MACROD2: variants seen among roughly 807,000 people sequenced by gnomAD.
MACROD2 encodes ADP-ribose glycohydrolase MACROD2.
MACROD2 carries 36 observed loss-of-function variants against 70.4 expected under a neutral mutation model. That is an observed-to-expected ratio of 0.51 (90% CI 0.39 to 0.68). MACROD2 has a LOEUF of 0.68. Among genes scored for constraint, MACROD2 ranks in the 30% least tolerant of loss-of-function variants. The pLI is 0.00. For missense variants in MACROD2, 496 were observed against 538.4 expected, an observed-to-expected ratio of 0.92 and a Z score of 0.78; for synonymous variants, 172 against 178.8, an observed-to-expected ratio of 0.96 and a Z score of 0.30.
At chr20:15,575,729 A>G (rs1600615875) in intron 8 of MACROD2, among the ~76,000 whole-genome samples, 1 of 152,322 alleles carries the variant, frequency 6.6e-6, no homozygotes, top group East Asian at 1.9e-4. Flanking sequence ...AAAAGAGCAC[A>G]TAAGAATAGG....
In MACROD2 at chr20:14,823,116, C is replaced by T. The variant is rs145734972; in HGVS notation, c.418+138157C>T. On this transcript the variant is annotated intron_variant, in intron 5 of 17. Coordinates refer to ENST00000684519, the MANE Select transcript of MACROD2 (RefSeq NM_001351661.2). ...GATTCTATGATTATTTTTGTGTAAT[C>T]TTTGAATATGCAAAACAAATTATAA... Among the ~76,000 whole-genome samples, 380 of 152,124 alleles carry T rather than the reference C, an allele frequency of 2.5e-3. 2 individuals are homozygous for T. Among genetic ancestry groups the T allele is most frequent in the African/African-American group, 8.9e-3 (369 of 41,522 alleles).
intron 5 of MACROD2, among the ~76,000 whole-genome samples, chr20:14,862,592 TATATATAAATATAA>T (rs2073372117): frequency 6.5e-5 from 3 of 45,844 alleles, no homozygotes; most frequent in South Asian, 6.1e-4. Context: ...TGTATAAATA[TATATATAAATATAA>T]ATATATATAA....
intron 2 of MACROD2, among the ~76,000 whole-genome samples, chr20:14,082,361 T>TTC (rs1226313205): frequency 6.8e-6 from 1 of 148,112 alleles, no homozygotes; most frequent in Non-Finnish European, 1.5e-5. Context: ...TGTATTTTTT[T>TTC]TTTTTTTTTT....
intron 7 of MACROD2, among the ~76,000 whole-genome samples, chr20:15,441,243 C>T (rs77513538): frequency 3.3e-5 from 5 of 152,252 alleles, no homozygotes; most frequent in South Asian, 2.1e-4. Context: ...AGACTCCTCT[C>T]GTGCTCTCCA....
intron 3 of MACROD2, among the ~76,000 whole-genome samples, chr20:14,333,247 A>G (rs1303679899): frequency 3.9e-5 from 6 of 152,162 alleles, no homozygotes; most frequent in Non-Finnish European, 5.9e-5. Context: ...AAAATTTCCA[A>G]TGCTAAGTAT....
At chr20:14,602,976 C>A (rs1274288052) in intron 4 of MACROD2, among the ~76,000 whole-genome samples, 1 of 152,098 alleles carries the variant, frequency 6.6e-6, no homozygotes, top group East Asian at 1.9e-4. Flanking sequence ...CAAAGAGAGA[C>A]CAGCATTACC....
At chr20:15,489,266 G>T (rs1047279194) in intron 7 of MACROD2, among the ~76,000 whole-genome samples, 4 of 152,282 alleles carry the variant, frequency 2.6e-5, no homozygotes, top group Middle Eastern at 3.4e-3. Flanking sequence ...AAGAAGTACA[G>T]AATTTCCCTT....
chr20:15,488,425 CAG>C (rs991059771), intron 7 of MACROD2, among the ~76,000 whole-genome samples: 6 of 152,208 alleles, frequency 3.9e-5, no homozygotes, highest in African/African-American at 1.4e-4. Context: ...ACAAGACAGA[CAG>C]AGCTCTGTCT....
chr20:15,225,002 C>A (rs1332781456), intron 5 of MACROD2, among the ~76,000 whole-genome samples: 1 of 150,802 alleles, frequency 6.6e-6, no homozygotes, highest in African/African-American at 2.4e-5. Context: ...CCTACGTTAC[C>A]ACTTTAATAT....
chr20:14,228,299 TTAAAA>T (rs1191806076), intron 3 of MACROD2, among the ~76,000 whole-genome samples: 3 of 151,738 alleles, frequency 2.0e-5, no homozygotes, highest in Admixed American at 2.0e-4. Context: ...ATAATTTTAC[TTAAAA>T]TAATGTTTTA....
At chr20:16,037,348 GT>G (rs1347447093) in intron 15 of MACROD2, among the ~76,000 whole-genome samples, 2 of 151,872 alleles carry the variant, frequency 1.3e-5, no homozygotes, top group Admixed American at 6.6e-5. Flanking sequence ...TACCAGAGGG[GT>G]TTCCCCATAG....
rs187691826 is a variant in MACROD2 at position 15,112,670 on chromosome 20, A to G, written c.419-117270A>G. Among the ~76,000 whole-genome samples the G allele has an allele frequency of 2.6e-5, 4 of 152,274 alleles. No individual in the cohort carries two copies. The South Asian group carries it at 6.2e-4, about 24-fold the overall frequency. On this transcript the variant is annotated intron_variant, in intron 5 of 17. Transcript: ENST00000684519. Reference sequence around the variant, plus strand: ...TAACAAAAATTTCCCATTTTATTCAATTTTAAGTGTGCAGTTTGTGGCATC... The same window carrying G: ...TAACAAAAATTTCCCATTTTATTCAGTTTTAAGTGTGCAGTTTGTGGCATC...
chr20:14,884,334 G>A (rs1373434769), intron 5 of MACROD2: 1 of 152,346 alleles, frequency 6.6e-6, no homozygotes, highest in Non-Finnish European at 1.5e-5. Context: ...GCTTGACTGT[G>A]CTCCAGGTGG....
Position 14,678,774 on chromosome 20 carries a change from T to C in MACROD2, c.302-6069T>C, listed in dbSNP as rs62202942. ...GTCAAAAGGCAAGGTTTTCTGCAGA[T>C]TGAACTAGACCTGAGTGGAGAAGGG... is the stretch of plus-strand genomic sequence containing the variant. On this transcript the variant is annotated intron_variant, in intron 4 of 17. Transcript: ENST00000684519. Among the ~76,000 whole-genome samples the C allele has an allele frequency of 8.6e-3, 1,313 of 152,280 alleles. 14 individuals carry two copies. Among genetic ancestry groups the C allele is most frequent in the South Asian group, 0.032 (156 of 4,826 alleles).
chr20:14,809,859 A>G (rs1371113682), intron 5 of MACROD2, among the ~76,000 whole-genome samples: 2 of 152,076 alleles, frequency 1.3e-5, no homozygotes, highest in African/African-American at 2.4e-5. Flanking sequence ...TCCTGGACAC[A>G]TACACTGCCC....
At chr20:14,671,805 A>T (rs1002994208) in intron 4 of MACROD2, among the ~76,000 whole-genome samples, 1 of 152,128 alleles carries the variant, frequency 6.6e-6, no homozygotes, top group Non-Finnish European at 1.5e-5. Flanking sequence ...AAGCTTCAAG[A>T]TGTGGATCTC....
At chr20:14,096,466 G>T (rs1381742844) in intron 3 of MACROD2, among the ~76,000 whole-genome samples, 1 of 147,904 alleles carries the variant, frequency 6.8e-6, no homozygotes, top group African/African-American at 2.5e-5. Flanking sequence ...TCCCCAGTTC[G>T]AGGGATTCTC....
chr20:14,210,533 T>TGGG (rs2122131177), intron 3 of MACROD2, among the ~76,000 whole-genome samples: 1 of 152,304 alleles, frequency 6.6e-6, no homozygotes, highest in South Asian at 2.1e-4. Flanking sequence ...ATGGAGGCCC[T>TGGG]ACACAGCAGT....
intron 4 of MACROD2, among the ~76,000 whole-genome samples, chr20:14,589,279 T>C (rs926164760): frequency 6.6e-6 from 1 of 152,176 alleles, no homozygotes; most frequent in Non-Finnish European, 1.5e-5. Context: ...CTAAAATCGC[T>C]ATTCTTTTAA....
Sources: gnomAD v4.1 joint callset for allele counts (sites outside exome capture counted in the v4.1 genomes callset) on GRCh38, gnomAD v4.1.1 for gene constraint, MANE v1.5 for transcripts, NCBI Gene and HGNC (gene_info 2026-07-23, HGNC 2026-07-21) for gene names.